The following OR2A42 variants were observed in gnomAD, a reference collection of about 807,000 sequenced individuals.
The protein encoded by OR2A42 is olfactory receptor 2A1/2A42.
For synonymous variants in OR2A42, 5 were observed against 46.4 expected (o/e 0.11, Z 3.63); for missense variants, 3 against 104.1 (o/e 0.03, Z 4.23).
rs2052333915 is a variant in OR2A42, at chr7:144,229,011, G to C, written c.*2900C>G. On this transcript the variant is annotated 3_prime_UTR_variant, in exon 3 of 3. Transcript: ENST00000641810. ...CTCCTGGTCCAGCTATGCCCTCCAA[G>C]AGTGAGTGGCCTCCTGTGCCTCTAG... The C allele has an allele frequency of 6.6e-6, 1 of 151,710 alleles. No homozygotes were observed. Among genetic ancestry groups the C allele is most frequent in the Non-Finnish European group, 1.5e-5 (1 of 68,268 alleles). 9.4% of individuals were successfully genotyped at this position (151,710 alleles called of 1,614,324 possible).
At chr7:144,238,784 C>A (rs577790311) in intron 1 of OR2A42, 41 bp from the exon 2 acceptor site, 1 of 150,736 alleles carries the variant, frequency 6.6e-6, no homozygotes, top group Admixed American at 6.6e-5. Flanking sequence ...TTTTCTATTT[C>A]TGTTCTTAAC....
chr7:144,238,245 T>C (rs1210104796), intron 2 of OR2A42, among the ~76,000 whole-genome samples, 187 bp downstream of exon 2: 1 of 129,560 alleles, frequency 7.7e-6, no homozygotes, highest in African/African-American at 3.0e-5. Context: ...AATCTGGCAT[T>C]GATGTTTATA....
intron 2 of OR2A42, among the ~76,000 whole-genome samples, chr7:144,235,497 T>C (rs2052416032): frequency 3.3e-5 from 5 of 152,036 alleles, no homozygotes. Context: ...ACACACTCCT[T>C]GTGAACAAGG....
At chr7:144,236,191 TC>T in intron 2 of OR2A42, among the ~76,000 whole-genome samples, 1 of 147,944 alleles carries the variant, frequency 6.8e-6, no homozygotes, top group African/African-American at 2.5e-5. Context: ...CCTGTCTACT[TC>T]AAAAGGTAAA....
In OR2A42 at chr7:144,228,268, A is replaced by G. The variant is rs1268394060; in HGVS notation, c.*3643T>C. The G allele has an allele frequency of 7.3e-6, 1 of 137,638 alleles. No homozygotes were observed. Among genetic ancestry groups the G allele is most frequent in the Non-Finnish European group, 1.6e-5 (1 of 63,058 alleles). 8.5% of individuals were successfully genotyped at this position (137,638 alleles called of 1,614,324 possible). ...AGTCAAAGTTTATTGAGTGTCTACT[A>G]TGAACAGGCCTGTTGCCAACCATTC... On this transcript the variant is annotated 3_prime_UTR_variant, in exon 3 of 3. Transcript: ENST00000641810.
At position 144,238,673 on chromosome 7, in the gene OR2A42, T is replaced by G. The variant is rs2052462311; in HGVS notation, c.-246A>C. The G allele has an allele frequency of 6.6e-6, 1 of 151,028 alleles. No homozygotes were observed. The highest frequency in any genetic ancestry group is 2.1e-4 in the South Asian group (1 of 4,774). 9.4% of individuals were successfully genotyped at this position (151,028 alleles called of 1,614,324 possible). ...GAAAAGGAGGTGTTATTCTCTGATG[T>G]GCTCAGCCTGGTTGACAGCTGAGGG... On this transcript the variant is annotated 5_prime_UTR_variant, in exon 2 of 3. Transcript: ENST00000641810.
chr7:144,237,755 T>C (rs569752852), intron 2 of OR2A42, among the ~76,000 whole-genome samples: 75 of 149,988 alleles, frequency 5.0e-4, no homozygotes, highest in African/African-American at 1.8e-3. Flanking sequence ...AGCAAAACAT[T>C]AATGAACTCT....
At position 144,229,558 on chromosome 7, in the gene OR2A42, C is replaced by T. The variant is rs1277269058; in HGVS notation, c.*2353G>A. ...CTGCACACCATGATTTCCTGCTGCT[C>T]CTCTGGTACCAGGGGAGTATTCATC... On this transcript the variant is annotated 3_prime_UTR_variant, in exon 3 of 3. Transcript: ENST00000641810. 2 of 140,564 alleles carry T rather than the reference C, an allele frequency of 1.4e-5. No individual in the cohort carries two copies. The highest frequency in any genetic ancestry group is 5.3e-5 in the African/African-American group (2 of 38,056). 8.7% of individuals were successfully genotyped at this position (140,564 alleles called of 1,614,324 possible).
intron 2 of OR2A42, among the ~76,000 whole-genome samples, chr7:144,235,108 C>G (rs948147192): frequency 1.4e-5 from 2 of 146,922 alleles, no homozygotes; most frequent in African/African-American, 5.2e-5. Flanking sequence ...GCCACCATAC[C>G]TAGCTAATTT....
intron 1 of OR2A42, 128 bp from the exon 2 acceptor site, chr7:144,238,871 C>T (rs1165972643): frequency 8.0e-5 from 12 of 150,068 alleles, no homozygotes; most frequent in African/African-American, 2.7e-4. Flanking sequence ...ATTATAGTCC[C>T]GGAATGCTTG....
chr7:144,235,668 T>C (rs1446616708), intron 2 of OR2A42, among the ~76,000 whole-genome samples: 4 of 152,312 alleles, frequency 2.6e-5, no homozygotes, highest in Middle Eastern at 3.4e-3. Context: ...TGAAAGACAC[T>C]TTTGTTTTCT....
chr7:144,235,646 A>G (rs1167179954), intron 2 of OR2A42, among the ~76,000 whole-genome samples: 3 of 152,200 alleles, frequency 2.0e-5, no homozygotes, highest in African/African-American at 7.2e-5. Context: ...TGTCTACTAT[A>G]ATCTGAATAC....
chr7:144,229,149 CA>C lies in OR2A42; in HGVS notation c.*2761del, dbSNP rs1341281550. 1 of 128,872 alleles carries C rather than the reference CA, an allele frequency of 7.8e-6. No homozygotes were observed. Among genetic ancestry groups the C allele is most frequent in the Non-Finnish European group, 1.7e-5 (1 of 57,810 alleles). The allele number at this position is 128,872 out of a possible 1,614,324, so 8.0% of individuals were successfully genotyped here. A position where few individuals can be genotyped will look rare whatever the true frequency, so the allele number is the denominator to read the frequency against. On this transcript the variant is annotated 3_prime_UTR_variant, in exon 3 of 3. Coordinates refer to ENST00000641810, the MANE Select transcript of OR2A42 (RefSeq NM_001001802.3). ...AGATCAGAAAGTTTAGCAACCCTGACAGGTTTAAAATAACTTCTGACAGCAG... is the reference window on the plus strand; with the variant it reads ...AGATCAGAAAGTTTAGCAACCCTGACGGTTTAAAATAACTTCTGACAGCAG...
intron 2 of OR2A42, among the ~76,000 whole-genome samples, chr7:144,237,896 C>T (rs1309550323): frequency 6.8e-6 from 1 of 147,218 alleles, no homozygotes; most frequent in Non-Finnish European, 1.5e-5. Context: ...GAGCACATAT[C>T]TTAGCCTCTC....
At chr7:144,237,583 C>A (rs1394412756) in intron 2 of OR2A42, among the ~76,000 whole-genome samples, 2 of 100,750 alleles carry the variant, frequency 2.0e-5, no homozygotes, top group Non-Finnish European at 5.4e-5. Context: ...AAAAAAAAAC[C>A]AAAAAATGAT....
Position 144,229,030 on chromosome 7 carries a change from C to G in OR2A42, c.*2881G>C, listed in dbSNP as rs1185273788. The stretch of plus-strand genomic sequence containing the variant: ...CTCCAAGAGTGAGTGGCCTCCTGTG[C>G]CTCTAGGGGGGACATGGGGAAGCCA... On this transcript the variant is annotated 3_prime_UTR_variant, in exon 3 of 3. Coordinates refer to ENST00000641810, the MANE Select transcript of OR2A42 (RefSeq NM_001001802.3). 3 of 152,242 alleles carry G rather than the reference C, an allele frequency of 2.0e-5. No individual in the cohort carries two copies. Among genetic ancestry groups the G allele is most frequent in the Non-Finnish European group, 4.4e-5 (3 of 68,672 alleles). 9.4% of individuals were successfully genotyped at this position (152,242 alleles called of 1,614,324 possible).
At chr7:144,235,704 T>C (rs1310218334) in intron 2 of OR2A42, among the ~76,000 whole-genome samples, 2 of 152,154 alleles carry the variant, frequency 1.3e-5, no homozygotes, top group African/African-American at 4.8e-5. Flanking sequence ...TTTCTTTCAT[T>C]CTACATGATA....
chr7:144,238,782 T>G (rs1418957391), intron 1 of OR2A42, 39 bp from the exon 2 acceptor site: 5 of 150,744 alleles, frequency 3.3e-5, no homozygotes, highest in Non-Finnish European at 7.4e-5. Flanking sequence ...TTTTTTCTAT[T>G]TCTGTTCTTA....
intron 2 of OR2A42, among the ~76,000 whole-genome samples, chr7:144,234,888 G>A (rs1450149539): frequency 1.5e-5 from 2 of 132,368 alleles, no homozygotes; most frequent in Non-Finnish European, 3.2e-5. Context: ...TGGAAAACAC[G>A]CAAAGCATAT....
Sources: gnomAD v4.1 joint callset for allele counts (sites outside exome capture counted in the v4.1 genomes callset) on GRCh38, gnomAD v4.1.1 for gene constraint, MANE v1.5 for transcripts, NCBI Gene and HGNC (gene_info 2026-07-23, HGNC 2026-07-21) for gene names.